AKT3: variants seen among roughly 807,000 people sequenced by gnomAD.
AKT3 encodes the protein AKT serine/threonine kinase 3, also known as RAC-gamma serine/threonine-protein kinase.
Under a neutral mutation model 65.3 loss-of-function variants are expected in AKT3, and 15 were observed. The ratio of observed to expected loss-of-function variants is 0.23; its 90% CI spans 0.15 to 0.35. AKT3 has a LOEUF of 0.35. Among genes scored for constraint, AKT3 ranks in the 10% least tolerant of loss-of-function variants. AKT3 has a pLI of 1.00. For missense variants in AKT3, 243 were observed against 576.5 expected (o/e 0.42, Z 5.92); for synonymous variants, 206 against 183.8 (o/e 1.12, Z -0.98).
chr1:243,795,810 T>C (rs567537922), intron 2 of AKT3, among the ~76,000 whole-genome samples: 98 of 152,250 alleles, frequency 6.4e-4, no homozygotes, highest in South Asian at 2.1e-3. Context: ...CCACGGCCCC[T>C]GGTTTCAAAG....
intron 8 of AKT3, among the ~76,000 whole-genome samples, chr1:243,582,364 G>A (rs1675428286): frequency 6.6e-6 from 1 of 150,666 alleles, no homozygotes; most frequent in African/African-American, 2.4e-5. Context: ...GCAGATCAGA[G>A]GGAATGTCAT....
intron 12 of AKT3, among the ~76,000 whole-genome samples, chr1:243,530,983 A>G (rs1558592851): frequency 6.6e-6 from 1 of 152,242 alleles, no homozygotes; most frequent in African/African-American, 2.4e-5. Flanking sequence ...ATTGTACTAT[A>G]TGTATTTTCA....
intron 6 of AKT3, 124 bp from the exon 7 acceptor site, chr1:243,615,285 G>T: frequency 1.6e-6 from 1 of 620,048 alleles, no homozygotes. Flanking sequence ...AAACACAGTG[G>T]CATGCTTCCT....
At chr1:243,585,417 G>A (rs1225459546) in intron 8 of AKT3, among the ~76,000 whole-genome samples, 11 of 151,130 alleles carry the variant, frequency 7.3e-5, no homozygotes, top group African/African-American at 2.7e-4. Context: ...AACCAAAAAA[G>A]AGCCAGAATA....
chr1:243,569,385 G>A (rs1291895416), intron 9 of AKT3, among the ~76,000 whole-genome samples: 1 of 152,158 alleles, frequency 6.6e-6, no homozygotes, highest in Non-Finnish European at 1.5e-5. Flanking sequence ...GAAGTGGAAG[G>A]AATGAAGAGC....
At chr1:243,631,318 TTTC>T (rs1027176697) in intron 6 of AKT3, among the ~76,000 whole-genome samples, 1 of 152,214 alleles carries the variant, frequency 6.6e-6, no homozygotes, top group Admixed American at 6.5e-5. Context: ...TGGCAATTTC[TTTC>T]TTTTTTTTGA....
chr1:243,592,873 G>GT (rs1676333540), intron 8 of AKT3, among the ~76,000 whole-genome samples: 1 of 152,148 alleles, frequency 6.6e-6, no homozygotes, highest in Admixed American at 6.5e-5. Context: ...ATAATGCATA[G>GT]TGGCATTTAT....
chr1:243,622,925 C>A (rs978919941), intron 6 of AKT3, among the ~76,000 whole-genome samples: 4 of 152,158 alleles, frequency 2.6e-5, no homozygotes, highest in Non-Finnish European at 5.9e-5. Flanking sequence ...CAAGCAAACG[C>A]ATTGGGTTAT....
chr1:243,558,598 C>A (rs1322568471), intron 10 of AKT3, among the ~76,000 whole-genome samples: 1 of 152,008 alleles, frequency 6.6e-6, no homozygotes, highest in East Asian at 1.9e-4. Context: ...TCAATAGCAA[C>A]CACAGCTAGA....
At chr1:243,498,517 A>C (rs1357987570), downstream of AKT3, among the ~76,000 whole-genome samples, 2 of 151,498 alleles carry the variant, frequency 1.3e-5, no homozygotes, top group Admixed American at 6.6e-5. Flanking sequence ...CCCCCCACCT[A>C]CTCTAACTAC....
intron 2 of AKT3, among the ~76,000 whole-genome samples, chr1:243,796,084 T>G (rs1691987053): frequency 6.6e-6 from 1 of 152,200 alleles, no homozygotes. Flanking sequence ...TTCTTACAGG[T>G]ATTTTTGTGC....
intron 2 of AKT3, among the ~76,000 whole-genome samples, chr1:243,832,502 TATA>T (rs1259097001): frequency 6.6e-6 from 1 of 152,148 alleles, no homozygotes; most frequent in East Asian, 1.9e-4. Flanking sequence ...AACCCTTCTA[TATA>T]TAAAATTATA....
At chr1:243,793,776 C>CAAA (rs34262576) in intron 2 of AKT3, among the ~76,000 whole-genome samples, 4 of 129,702 alleles carry the variant, frequency 3.1e-5, no homozygotes, top group East Asian at 2.2e-4. Context: ...AAAACTGTCT[C>CAAA]AAAAAAAAAA....
At chr1:243,569,182 T>C (rs953481216) in intron 9 of AKT3, among the ~76,000 whole-genome samples, 2 of 152,194 alleles carry the variant, frequency 1.3e-5, no homozygotes, top group African/African-American at 4.8e-5. Flanking sequence ...AGTGCCAAAA[T>C]GTCACAAGCT....
intron 2 of AKT3, among the ~76,000 whole-genome samples, chr1:243,791,841 T>C (rs1303944346): frequency 1.3e-5 from 2 of 152,242 alleles, no homozygotes; most frequent in Non-Finnish European, 2.9e-5. Flanking sequence ...GTTTATCTGC[T>C]AATACAGCTG....
Position 243,499,834 on chromosome 1 carries a change from T to C in AKT3, c.*5415A>G. The C allele has an allele frequency of 3.2e-6, 5 of 1,576,816 alleles. No individual in the cohort carries two copies. The highest frequency in any genetic ancestry group is 4.4e-6 in the Non-Finnish European group (5 of 1,148,374). ...AATGATTTACAAAGAGATATTTACATTCATCTGGTTTAGACTTAATATGCC... is the reference window on the plus strand; with the variant it reads ...AATGATTTACAAAGAGATATTTACACTCATCTGGTTTAGACTTAATATGCC... On this transcript the variant is annotated 3_prime_UTR_variant, in exon 14 of 14. Transcript: ENST00000673466.
intron 2 of AKT3, among the ~76,000 whole-genome samples, chr1:243,733,598 T>C (rs1404831692): frequency 6.6e-6 from 1 of 152,174 alleles, no homozygotes; most frequent in Non-Finnish European, 1.5e-5. Flanking sequence ...AATCAAAATC[T>C]ATATACAAGT....
intron 10 of AKT3, among the ~76,000 whole-genome samples, chr1:243,556,750 C>T (rs1253941538): frequency 6.6e-6 from 1 of 152,030 alleles, no homozygotes; most frequent in Non-Finnish European, 1.5e-5. Flanking sequence ...ACATCTGTAT[C>T]ATTTATCATT....
intron 2 of AKT3, among the ~76,000 whole-genome samples, chr1:243,836,228 A>C (rs1050944169): frequency 1.3e-5 from 2 of 152,158 alleles, no homozygotes; most frequent in African/African-American, 2.4e-5. Flanking sequence ...AATCATAAAA[A>C]ATCAGGAGTT....
Sources: gnomAD v4.1 joint callset for allele counts (sites outside exome capture counted in the v4.1 genomes callset) on GRCh38, gnomAD v4.1.1 for gene constraint, MANE v1.5 for transcripts, NCBI Gene and HGNC (gene_info 2026-07-23, HGNC 2026-07-21) for gene names.